The following RTL4 variants were observed in gnomAD, a reference collection of about 807,000 sequenced individuals.
The protein encoded by RTL4 is retrotransposon Gag-like protein 4.
RTL4 carries 4 observed loss-of-function variants against 5.3 expected under a neutral mutation model. The ratio of observed to expected loss-of-function variants is 0.75; its 90% CI spans 0.37 to 1.72. The LOEUF (loss-of-function observed/expected upper bound fraction) is 1.72, where lower values mean the gene tolerates loss of function less well. Ranked by LOEUF, RTL4 falls within the 40% of genes most tolerant of loss-of-function variation. The pLI, the probability that RTL4 is intolerant of heterozygous loss-of-function variation, is 0.04. For missense variants in RTL4, 260 were observed against 227.1 expected (o/e 1.14, Z -0.93); for synonymous variants, 98 against 87.3 (o/e 1.12, Z -0.68).
the RTL4 span, among the ~76,000 whole-genome samples, chrX:112,108,902 A>G: frequency 1.8e-5 from 2 of 111,036 alleles, no homozygotes; most frequent in Admixed American, 1.9e-4. Context: ...GTGGATACCA[A>G]CCTAAGCTGT....
chrX:112,111,867 AT>A, the RTL4 span, among the ~76,000 whole-genome samples: 1 of 112,128 alleles, frequency 8.9e-6, no homozygotes, highest in Non-Finnish European at 1.9e-5. Context: ...GTTGGCAGTC[AT>A]GCTCAATTGG....
chrX:112,328,997 G>A, the RTL4 span, among the ~76,000 whole-genome samples: 3 of 111,490 alleles, frequency 2.7e-5, no homozygotes, highest in African/African-American at 9.8e-5. Context: ...TCTCTGGGAT[G>A]CATTCAAAGC....
At chrX:112,125,375 A>G in the RTL4 span, among the ~76,000 whole-genome samples, 1 of 111,526 alleles carries the variant, frequency 9.0e-6, no homozygotes, top group Non-Finnish European at 1.9e-5. Flanking sequence ...ACCAATTAAA[A>G]CCTTACCTCA....
chrX:112,386,539 T>C, the RTL4 span, among the ~76,000 whole-genome samples: 1 of 105,755 alleles, frequency 9.5e-6, no homozygotes, highest in Admixed American at 1.0e-4. Flanking sequence ...CCAAAATCCA[T>C]TGTACCATTC....
At chrX:112,448,853 T>G in the RTL4 span, among the ~76,000 whole-genome samples, 1 of 111,841 alleles carries the variant, frequency 8.9e-6, no homozygotes, top group Non-Finnish European at 1.9e-5. Context: ...AAAGATGGGA[T>G]GAAATGATGA....
the RTL4 span, among the ~76,000 whole-genome samples, chrX:112,103,207 T>TA: frequency 6.5e-4 from 72 of 110,071 alleles, no homozygotes; most frequent in Non-Finnish European, 1.2e-3. Context: ...ATAGACTAGA[T>TA]AAAAAAAAAT....
At chrX:112,259,664 C>A in the RTL4 span, among the ~76,000 whole-genome samples, 1 of 110,907 alleles carries the variant, frequency 9.0e-6, no homozygotes, top group Non-Finnish European at 1.9e-5. Context: ...GCCTCAGTAT[C>A]CTTGTTGGAA....
chrX:112,196,007 G>T, the RTL4 span, among the ~76,000 whole-genome samples: 1 of 111,178 alleles, frequency 9.0e-6, no homozygotes, highest in Non-Finnish European at 1.9e-5. Flanking sequence ...CCCATTTTCT[G>T]CCATTGTAAC....
chrX:112,291,901 C>A, the RTL4 span, among the ~76,000 whole-genome samples: 1 of 110,481 alleles, frequency 9.1e-6, no homozygotes, highest in Non-Finnish European at 1.9e-5. Flanking sequence ...GGCCTAGACA[C>A]CCTCTAGTTC....
chrX:112,113,694 G>A, the RTL4 span, among the ~76,000 whole-genome samples: 1 of 111,845 alleles, frequency 8.9e-6, no homozygotes, highest in Non-Finnish European at 1.9e-5. Context: ...CTGGGGCAGT[G>A]CGCCTTCTAG....
chrX:112,430,714 G>T, the RTL4 span, among the ~76,000 whole-genome samples: 1 of 111,304 alleles, frequency 9.0e-6, no homozygotes, highest in Non-Finnish European at 1.9e-5. Flanking sequence ...CAGATTCTGG[G>T]ATTACAGCTG....
chrX:112,296,776 ATT>A, the RTL4 span, among the ~76,000 whole-genome samples: 262 of 96,888 alleles, frequency 2.7e-3, no homozygotes, highest in African/African-American at 9.2e-3. Flanking sequence ...CGCCCAGCTA[ATT>A]TTTTTTTTTT....
At chrX:112,128,395 G>C in the RTL4 span, among the ~76,000 whole-genome samples, 5 of 111,665 alleles carry the variant, frequency 4.5e-5, no homozygotes, top group Admixed American at 4.7e-4. Flanking sequence ...CCGGCGCGGT[G>C]GCTCACGCCT....
chrX:112,363,177 G>A, the RTL4 span, among the ~76,000 whole-genome samples: 1 of 111,034 alleles, frequency 9.0e-6, no homozygotes, highest in Admixed American at 9.6e-5. Flanking sequence ...GAAAAACAAT[G>A]GGAGGCTCGC....
the RTL4 span, among the ~76,000 whole-genome samples, chrX:112,303,509 A>G: frequency 9.8e-6 from 1 of 102,453 alleles, no homozygotes; most frequent in Admixed American, 1.1e-4. Context: ...TTGCAAGGAC[A>G]AAAAACCAAA....
chrX:112,280,166 T>C, the RTL4 span, among the ~76,000 whole-genome samples: 41 of 111,547 alleles, frequency 3.7e-4, no homozygotes, highest in African/African-American at 1.3e-3. Flanking sequence ...TACAGATATA[T>C]GCATAAAAAG....
At chrX:112,403,577 C>A in the RTL4 span, among the ~76,000 whole-genome samples, 1 of 111,714 alleles carries the variant, frequency 9.0e-6, no homozygotes, top group Non-Finnish European at 1.9e-5. Flanking sequence ...CTCTGAGGTA[C>A]CATCCAGGAT....
At chrX:112,228,593 G>A in the RTL4 span, among the ~76,000 whole-genome samples, 15 of 111,751 alleles carry the variant, frequency 1.3e-4, no homozygotes, top group African/African-American at 6.5e-5. Flanking sequence ...ATGCCATACA[G>A]TATTAACTAT....
At chrX:112,095,115 A>G in the RTL4 span, among the ~76,000 whole-genome samples, 3 of 111,664 alleles carry the variant, frequency 2.7e-5, no homozygotes, top group East Asian at 8.5e-4. Context: ...TTAACCTTAG[A>G]AAGGAGGGAG....
Sources: gnomAD v4.1 joint callset for allele counts (sites outside exome capture counted in the v4.1 genomes callset) on GRCh38, gnomAD v4.1.1 for gene constraint, MANE v1.5 for transcripts, NCBI Gene and HGNC (gene_info 2026-07-23, HGNC 2026-07-21) for gene names.